Variants in GTF2A1L observed in about 807,000 individuals in gnomAD.
GTF2A1L encodes the protein general transcription factor IIA subunit 1 like.
Under a neutral mutation model 49.7 loss-of-function variants are expected in GTF2A1L, and 48 were observed. That is an observed-to-expected ratio of 0.97 (90% confidence interval 0.77 to 1.23). GTF2A1L has a LOEUF of 1.23. Among genes scored for constraint, GTF2A1L ranks in the 50% most tolerant of loss-of-function variants. The pLI is 0.00. For synonymous variants in GTF2A1L, 246 were observed against 193.5 expected (o/e 1.27, Z -2.25); for missense variants, 736 against 564.8 (o/e 1.30, Z -3.07).
intron 6 of GTF2A1L, among the ~76,000 whole-genome samples, chr2:48,658,362 C>T (rs1329307717): frequency 2.6e-5 from 4 of 152,152 alleles, no homozygotes; most frequent in Non-Finnish European, 4.4e-5. Context: ...ATAGGGAGTC[C>T]TTTCCCCATT....
chr2:48,653,406 T>A (rs189378966), intron 6 of GTF2A1L, among the ~76,000 whole-genome samples: 10 of 152,296 alleles, frequency 6.6e-5, no homozygotes, highest in Non-Finnish European at 1.5e-4. Flanking sequence ...CATGTGCCTT[T>A]GTAGTCAATA....
At chr2:48,624,995 T>C (rs183366550) in intron 3 of GTF2A1L, among the ~76,000 whole-genome samples, 1 of 144,530 alleles carries the variant, frequency 6.9e-6, no homozygotes, top group African/African-American at 2.5e-5. Flanking sequence ...AAATCTTGGC[T>C]ATCGTGAGTA....
At chr2:48,676,685 A>G (rs1679483855) in intron 8 of GTF2A1L, among the ~76,000 whole-genome samples, 1 of 151,608 alleles carries the variant, frequency 6.6e-6, no homozygotes, top group Admixed American at 6.6e-5. Flanking sequence ...CAATATGTAG[A>G]TTTTGGATCT....
intron 3 of GTF2A1L, among the ~76,000 whole-genome samples, chr2:48,623,775 G>A (rs1003122737): frequency 6.6e-6 from 1 of 152,156 alleles, no homozygotes; most frequent in African/African-American, 2.4e-5. Flanking sequence ...CATGGGTGTT[G>A]CTGGGGCCAT....
At chr2:48,670,597 G>A (rs1237556685) in intron 7 of GTF2A1L, among the ~76,000 whole-genome samples, 1 of 152,086 alleles carries the variant, frequency 6.6e-6, no homozygotes, top group Admixed American at 6.6e-5. Context: ...AATCCAGGTA[G>A]AGTGTGCTTA....
At chr2:48,624,332 T>C (rs1288432238) in intron 3 of GTF2A1L, among the ~76,000 whole-genome samples, 1 of 144,512 alleles carries the variant, frequency 6.9e-6, no homozygotes, top group African/African-American at 2.5e-5. Context: ...AGAACAAAAA[T>C]ATTTAGTAAG....
At chr2:48,632,538 ATGCC>A (rs1676638831) in intron 3 of GTF2A1L, 1 of 152,910 alleles carries the variant, frequency 6.5e-6, no homozygotes, top group African/African-American at 2.4e-5. Flanking sequence ...ATGCACCACC[ATGCC>A]CAGCTAATTT....
At chr2:48,640,770 T>C (rs13022734) in intron 3 of GTF2A1L, among the ~76,000 whole-genome samples, 54,460 of 151,996 alleles carry the variant, frequency 0.36, 10,391 homozygotes, top group African/African-American at 0.48. Context: ...AGTAAAAATA[T>C]ATACTCATTT....
rs1677529680 is a variant in GTF2A1L, at chr2:48,646,682, T to G, written c.618T>G (p.Asp206Glu). The change falls in exon 6 of 9, where the codon GAT (aspartate) becomes GAG (glutamate). Residue 206 changes from aspartate to glutamate, a missense_variant. Coordinates refer to ENST00000403751, the MANE Select transcript of GTF2A1L (RefSeq NM_006872.5). ...QPAILPSGPV[D>E]RKHLENATSD... ...CAATTCTACCTTCTGGGCCAGTAGATAGGAAACACTTAGAAAATGCCACCA... is the reference window on the plus strand; with the variant it reads ...CAATTCTACCTTCTGGGCCAGTAGAGAGGAAACACTTAGAAAATGCCACCA... The G allele has an allele frequency of 6.2e-7, 1 of 1,614,134 alleles. No homozygotes were observed. Among genetic ancestry groups the G allele is most frequent in the Non-Finnish European group, 8.5e-7 (1 of 1,180,016 alleles).
At chr2:48,666,587 GTGTGT>G (rs1472286960) in intron 6 of GTF2A1L, among the ~76,000 whole-genome samples, 2 of 132,404 alleles carry the variant, frequency 1.5e-5, no homozygotes, top group African/African-American at 7.7e-5. Flanking sequence ...TTGTCAGGGT[GTGTGT>G]GTGTGTGTGT....
intron 3 of GTF2A1L, among the ~76,000 whole-genome samples, chr2:48,640,185 T>A (rs1677124154): frequency 6.6e-6 from 1 of 152,154 alleles, no homozygotes; most frequent in African/African-American, 2.4e-5. Flanking sequence ...GACCCAGCAA[T>A]CTCATTACTG....
intron 3 of GTF2A1L, among the ~76,000 whole-genome samples, chr2:48,623,442 G>C (rs529876488): frequency 1.3e-5 from 2 of 152,300 alleles, no homozygotes; most frequent in Non-Finnish European, 2.9e-5. Context: ...TGGTGAAGCT[G>C]CAGAAAAAAG....
chr2:48,678,276 T>G (rs1679581935), intron 8 of GTF2A1L, among the ~76,000 whole-genome samples: 1 of 152,020 alleles, frequency 6.6e-6, no homozygotes, highest in African/African-American at 2.4e-5. Flanking sequence ...GTGCTGAGTT[T>G]GGGATGTTTG....
intron 6 of GTF2A1L, among the ~76,000 whole-genome samples, chr2:48,664,908 G>T (rs1678728114): frequency 6.6e-6 from 1 of 151,780 alleles, no homozygotes; most frequent in Admixed American, 6.6e-5. Context: ...CGTGCTAGAG[G>T]TTTTTCTATT....
At chr2:48,631,583 T>C (rs1038941041) in intron 3 of GTF2A1L, among the ~76,000 whole-genome samples, 16 of 152,294 alleles carry the variant, frequency 1.1e-4, no homozygotes, top group Admixed American at 1.0e-3. Context: ...TTTGGTTTCA[T>C]TGATTCTTTT....
chr2:48,668,783 C>T (rs1679004095), intron 6 of GTF2A1L: 1 of 151,790 alleles, frequency 6.6e-6, no homozygotes. Flanking sequence ...TGCAGTGAGC[C>T]GAGAACGCGC....
At chr2:48,634,483 T>A (rs1050010363) in intron 3 of GTF2A1L, among the ~76,000 whole-genome samples, 2 of 152,200 alleles carry the variant, frequency 1.3e-5, no homozygotes, top group African/African-American at 4.8e-5. Context: ...GTGTGGTTAC[T>A]TTATAGGGTC....
intron 3 of GTF2A1L, among the ~76,000 whole-genome samples, chr2:48,621,985 A>G (rs17398030): frequency 0.18 from 27,418 of 152,194 alleles, 2,733 homozygotes; most frequent in South Asian, 0.25. Context: ...TGTTACTCAT[A>G]TGTGTATATA....
chr2:48,623,458 A>G (rs949094004), intron 3 of GTF2A1L, among the ~76,000 whole-genome samples: 3 of 152,316 alleles, frequency 2.0e-5, no homozygotes, highest in African/African-American at 7.2e-5. Context: ...AAAAGGGACC[A>G]CTTATGCACT....
Sources: allele counts gnomAD v4.1 joint callset (sites outside exome capture counted in the v4.1 genomes callset), GRCh38; gene constraint gnomAD v4.1.1; transcripts MANE v1.5; gene names NCBI Gene and HGNC (gene_info 2026-07-23, HGNC 2026-07-21).